Variants in RBPMS observed in about 807,000 individuals in gnomAD.
The protein encoded by RBPMS is RNA binding protein, mRNA processing factor.
A neutral mutation model predicts 26.8 loss-of-function variants in RBPMS; 7 were observed. That is an observed-to-expected ratio of 0.26 (90% CI 0.15 to 0.49). The LOEUF is 0.49. Ranked by LOEUF, RBPMS falls within the 20% of genes least tolerant of loss-of-function variation. The probability of loss-of-function intolerance (pLI) is 0.98; values close to 1 mark genes in which losing one functional copy is unlikely to be tolerated. For missense variants in RBPMS, 186 were observed against 250.0 expected, an observed-to-expected ratio of 0.74 and a Z score of 1.73; for synonymous variants, 96 against 93.3, an observed-to-expected ratio of 1.03 and a Z score of -0.17.
intron 5 of RBPMS, among the ~76,000 whole-genome samples, chr8:30,526,113 G>A (rs1324792811): frequency 2.0e-5 from 3 of 152,180 alleles, no homozygotes. Flanking sequence ...CTTTAGCACG[G>A]TGTGCAGGCC....
In RBPMS at chr8:30,410,241, C is replaced by G. The variant is rs926598640; in HGVS notation, c.66+25083C>G. ...ATTTTTTTTGAGACGGAGTCTCGCT[C>G]TGTTGCCCAGGCTGGAGTGCAGTGG... is the stretch of plus-strand genomic sequence containing the variant. On this transcript the variant is annotated intron_variant, in intron 1 of 8. Coordinates refer to ENST00000397323, the MANE Select transcript of RBPMS (RefSeq NM_001008710.3). Among the ~76,000 whole-genome samples, 4 of 152,088 alleles carry G rather than the reference C, an allele frequency of 2.6e-5. No individual in the cohort carries two copies. The East Asian group carries it at 5.8e-4, about 22-fold the overall frequency.
At chr8:30,472,342 T>A (rs561145198) in intron 1 of RBPMS, among the ~76,000 whole-genome samples, 330 of 152,308 alleles carry the variant, frequency 2.2e-3, no homozygotes, top group African/African-American at 7.5e-3. Flanking sequence ...TCTGTATATG[T>A]AAGTGTTTGA....
At chr8:30,554,959 G>A (rs1312799547) in intron 6 of RBPMS, among the ~76,000 whole-genome samples, 2 of 152,160 alleles carry the variant, frequency 1.3e-5, no homozygotes, top group Non-Finnish European at 1.5e-5. Flanking sequence ...ACTGCAGAAG[G>A]GTTGGTACTT....
intron 1 of RBPMS, among the ~76,000 whole-genome samples, chr8:30,424,494 AAATTT>A (rs924466558): frequency 2.0e-5 from 3 of 152,178 alleles, no homozygotes; most frequent in Admixed American, 6.5e-5. Flanking sequence ...GTGACATTGG[AAATTT>A]AATTATAAGT....
chr8:30,473,958 A>G (rs1213630451), intron 1 of RBPMS, among the ~76,000 whole-genome samples: 1 of 152,172 alleles, frequency 6.6e-6, no homozygotes, highest in African/African-American at 2.4e-5. Context: ...GAGGAAGAGC[A>G]TCAGGAAGAA....
intron 2 of RBPMS, among the ~76,000 whole-genome samples, chr8:30,475,375 A>G (rs1031578840): frequency 6.6e-6 from 1 of 152,198 alleles, no homozygotes; most frequent in Non-Finnish European, 1.5e-5. Context: ...AACACCAAGC[A>G]CTTCGTAGAA....
intron 1 of RBPMS, among the ~76,000 whole-genome samples, chr8:30,431,662 G>A (rs1811944949): frequency 6.6e-6 from 1 of 152,034 alleles, no homozygotes; most frequent in Admixed American, 6.6e-5. Context: ...TGTTGGCTAG[G>A]CTGGTCTCGA....
intron 1 of RBPMS, among the ~76,000 whole-genome samples, chr8:30,412,080 A>G (rs189209388): frequency 5.7e-4 from 87 of 152,268 alleles, no homozygotes; most frequent in African/African-American, 2.0e-3. Flanking sequence ...AGTTACTGAC[A>G]AAGTCGAGGC....
intron 1 of RBPMS, among the ~76,000 whole-genome samples, chr8:30,432,248 T>G (rs1812024233): frequency 6.6e-6 from 1 of 152,240 alleles, no homozygotes; most frequent in Admixed American, 6.5e-5. Context: ...AAACTGACTC[T>G]CCCGGCAGAA....
At chr8:30,544,749 T>G in intron 6 of RBPMS, 125 bp downstream of exon 6, 1 of 1,599,700 alleles carries the variant, frequency 6.3e-7, no homozygotes, top group African/African-American at 1.3e-5. Flanking sequence ...AAGAGATTAA[T>G]GATCCCCTCT....
intron 1 of RBPMS, among the ~76,000 whole-genome samples, chr8:30,415,122 A>T (rs1809913378): frequency 6.6e-6 from 1 of 151,770 alleles, no homozygotes; most frequent in Non-Finnish European, 1.5e-5. Flanking sequence ...TATCCCCACC[A>T]TCTAACCTGC....
At position 30,527,220 on chromosome 8, in the gene RBPMS, C is replaced by G. The variant is rs148206445; in HGVS notation, c.398-17274C>G. On this transcript the variant is annotated intron_variant, in intron 5 of 8. Transcript: ENST00000397323. ...TTACTGTAAACCCTCAGACACGCTA[C>G]TCATTCTATATTTGTAGCAGGATCA... Among the ~76,000 whole-genome samples the G allele has an allele frequency of 2.2e-4, 34 of 152,314 alleles. No individual in the cohort carries two copies. In the East Asian group the frequency reaches 6.2e-3, roughly 28 times the overall value.
At chr8:30,411,162 G>A (rs1200884459) in intron 1 of RBPMS, among the ~76,000 whole-genome samples, 1 of 152,196 alleles carries the variant, frequency 6.6e-6, no homozygotes, top group Non-Finnish European at 1.5e-5. Flanking sequence ...AGGTGAAAGT[G>A]TCCCTTTGGC....
chr8:30,393,218 T>C (rs1188676646), intron 1 of RBPMS, among the ~76,000 whole-genome samples: 3 of 152,154 alleles, frequency 2.0e-5, no homozygotes, highest in African/African-American at 7.2e-5. Flanking sequence ...TAGAAAAATC[T>C]GATATATGGT....
Position 30,410,497 on chromosome 8 carries a change from C to T in RBPMS, c.66+25339C>T, listed in dbSNP as rs1809238044. On this transcript the variant is annotated intron_variant, in intron 1 of 8. Coordinates refer to ENST00000397323, the MANE Select transcript of RBPMS (RefSeq NM_001008710.3). The stretch of plus-strand genomic sequence containing the variant: ...TGCCGGGACTACAGACAAGAGCCAC[C>T]GTGCCTGGCCAACTACTACTCTTTT... 3.3e-5 allele frequency among the ~76,000 whole-genome samples: 5 copies of T among 151,888 alleles called. No homozygotes were observed. In the South Asian group the frequency reaches 6.2e-4, roughly 19 times the overall value.
At chr8:30,514,360 A>G (rs1040976938) in intron 5 of RBPMS, among the ~76,000 whole-genome samples, 1 of 152,108 alleles carries the variant, frequency 6.6e-6, no homozygotes, top group Non-Finnish European at 1.5e-5. Flanking sequence ...CTCATAAACT[A>G]TGGTTATTCA....
intron 1 of RBPMS, among the ~76,000 whole-genome samples, chr8:30,466,785 G>A (rs1362886961): frequency 1.3e-5 from 2 of 151,928 alleles, no homozygotes; most frequent in Admixed American, 1.3e-4. Flanking sequence ...GTAGAGACGG[G>A]GTTTCACCAT....
At chr8:30,490,666 A>G (rs1344997881) in intron 4 of RBPMS, among the ~76,000 whole-genome samples, 4 of 152,066 alleles carry the variant, frequency 2.6e-5, no homozygotes, top group African/African-American at 7.2e-5. Context: ...TCACCATACC[A>G]TGTTGGTCAG....
chr8:30,445,868 T>C (rs1279993706), intron 1 of RBPMS, among the ~76,000 whole-genome samples: 1 of 151,878 alleles, frequency 6.6e-6, no homozygotes, highest in African/African-American at 2.4e-5. Flanking sequence ...TTCACCATGT[T>C]GCCCCAGGCT....
Sources: allele counts gnomAD v4.1 joint callset (sites outside exome capture counted in the v4.1 genomes callset), GRCh38; gene constraint gnomAD v4.1.1; transcripts MANE v1.5; gene names NCBI Gene and HGNC (gene_info 2026-07-23, HGNC 2026-07-21).